TTC28: variants seen among roughly 807,000 people sequenced by gnomAD.
The protein encoded by TTC28 is tetratricopeptide repeat protein 28.
TTC28 carries 61 observed loss-of-function variants against 198.0 expected under a neutral mutation model. The observed-to-expected ratio is 0.31, with a 90% CI of 0.25 to 0.38. The LOEUF (loss-of-function observed/expected upper bound fraction) is 0.38, where lower values mean the gene tolerates loss of function less well. Among genes scored for constraint, TTC28 ranks in the 10% least tolerant of loss-of-function variants. TTC28 has a pLI of 1.00. For missense variants in TTC28, 2,678 were observed against 3,164.0 expected, an observed-to-expected ratio of 0.85 and a Z score of 3.69; for synonymous variants, 1,171 against 1,297.8, an observed-to-expected ratio of 0.90 and a Z score of 2.10.
Position 27,998,847 on chromosome 22 carries a change from C to A in TTC28, c.4812G>T (p.Leu1604=). The A allele has an allele frequency of 6.5e-7, 1 of 1,550,180 alleles. No individual in the cohort carries two copies. Among genetic ancestry groups the A allele is most frequent in the Non-Finnish European group, 8.7e-7 (1 of 1,146,988 alleles). The change falls in exon 16 of 23, where the codon CTG becomes CTT. Residue 1604 remains leucine (L), a synonymous_variant. Coordinates refer to ENST00000397906, the MANE Select transcript of TTC28 (RefSeq NM_001145418.2). ...CCAGGACGTCGGCGGCAGTAAGCAG[C>A]AGCTCCTGCAGGGGCGGGCAGTCCG... ...SISDCPPLQE[L]LLTAADVLDL...
Position 28,055,718 on chromosome 22 carries a change from T to C in TTC28, c.3933-25352A>G, listed in dbSNP as rs370418589. The stretch of plus-strand genomic sequence containing the variant: ...AGCTAGTAAAGTGCAGGGCCAAGAT[T>C]TGCCTCTAAGTTTAATGCTTTTTCA... On this transcript the variant is annotated intron_variant, in intron 12 of 22. Coordinates refer to ENST00000397906, the MANE Select transcript of TTC28 (RefSeq NM_001145418.2). Among the ~76,000 whole-genome samples, 5 of 152,162 alleles carry C rather than the reference T, an allele frequency of 3.3e-5. No individual in the cohort carries two copies. The East Asian group carries it at 7.7e-4, about 23-fold the overall frequency.
chr22:28,038,010 A>T (rs1939438934), intron 12 of TTC28, among the ~76,000 whole-genome samples: 1 of 152,228 alleles, frequency 6.6e-6, no homozygotes. Flanking sequence ...TGCTCAATGA[A>T]ATAAAAGAGG....
intron 2 of TTC28, among the ~76,000 whole-genome samples, chr22:28,494,526 A>G (rs1187817433): frequency 6.6e-6 from 1 of 152,158 alleles, no homozygotes; most frequent in Non-Finnish European, 1.5e-5. Flanking sequence ...GAAACTGCCA[A>G]CTAACCCCTC....
At chr22:28,178,510 A>G (rs1923392629) in intron 5 of TTC28, among the ~76,000 whole-genome samples, 1 of 152,062 alleles carries the variant, frequency 6.6e-6, no homozygotes, top group Non-Finnish European at 1.5e-5. Context: ...ATTTGAAAAT[A>G]TATAAATTGG....
At chr22:28,676,483 C>T (rs968533953) in intron 1 of TTC28, among the ~76,000 whole-genome samples, 5 of 152,128 alleles carry the variant, frequency 3.3e-5, no homozygotes, top group African/African-American at 1.2e-4. Context: ...CAAAATTCTG[C>T]ACTCAAGGGG....
intron 6 of TTC28, among the ~76,000 whole-genome samples, chr22:28,116,403 G>T (rs2146927108): frequency 6.6e-6 from 1 of 152,206 alleles, no homozygotes; most frequent in East Asian, 1.9e-4. Context: ...GGCTGGAGAG[G>T]GGTGCTGGTG....
At chr22:28,356,600 T>C (rs142262985) in intron 2 of TTC28, among the ~76,000 whole-genome samples, 3 of 152,346 alleles carry the variant, frequency 2.0e-5, no homozygotes, top group Non-Finnish European at 4.4e-5. Flanking sequence ...AAGGGCACTG[T>C]GGACTTTCAC....
intron 5 of TTC28, among the ~76,000 whole-genome samples, chr22:28,196,372 G>A (rs1358723088): frequency 1.3e-5 from 2 of 152,104 alleles, no homozygotes; most frequent in African/African-American, 2.4e-5. Flanking sequence ...CAGGACATAG[G>A]CATGGCCAAG....
chr22:28,640,804 A>G (rs1006201464), intron 1 of TTC28, among the ~76,000 whole-genome samples: 9 of 152,166 alleles, frequency 5.9e-5, no homozygotes, highest in African/African-American at 1.9e-4. Context: ...TGGAAATAGT[A>G]CGGCAGGTCC....
intron 2 of TTC28, among the ~76,000 whole-genome samples, chr22:28,611,301 AG>A (rs2050813891): frequency 6.6e-6 from 1 of 152,198 alleles, no homozygotes; most frequent in Non-Finnish European, 1.5e-5. Flanking sequence ...AAAAATGTTA[AG>A]GGCAGCCAGA....
chr22:28,342,830 G>A (rs2045852525), intron 2 of TTC28, among the ~76,000 whole-genome samples: 1 of 152,070 alleles, frequency 6.6e-6, no homozygotes, highest in Non-Finnish European at 1.5e-5. Context: ...CCAGACAAGA[G>A]AAGCTATAAT....
Position 28,096,235 on chromosome 22 carries a change from G to A in TTC28, c.3721C>T (p.Leu1241=). 1 of 1,551,334 alleles carries A rather than the reference G, an allele frequency of 6.4e-7. No individual in the cohort carries two copies. The highest frequency in any genetic ancestry group is 1.2e-5 in the South Asian group (1 of 84,012). ...GQRGLVLYYS[L]AAGYLYSWLL... ...CAGCTATACAGATAGCCTGCAGCCA[G>A]GGAATAGTAAAGCACTAGTCCCCTC... Residue 1241 remains leucine, a synonymous_variant, in exon 11 of 23, where the codon CTG becomes TTG. Transcript: ENST00000397906.
chr22:28,485,980 G>T (rs1370221269), intron 2 of TTC28, among the ~76,000 whole-genome samples: 1 of 152,090 alleles, frequency 6.6e-6, no homozygotes, highest in Admixed American at 6.5e-5. Flanking sequence ...AGGAGCTATT[G>T]TGCTAGAAGA....
intron 10 of TTC28, among the ~76,000 whole-genome samples, chr22:28,096,809 C>CTT (rs568084580): frequency 4.2e-5 from 6 of 143,080 alleles, no homozygotes; most frequent in African/African-American, 1.3e-4. Context: ...CTCTACGTGT[C>CTT]TTTTTTTTTT....
chr22:28,386,594 A>G (rs1254303241), intron 2 of TTC28, among the ~76,000 whole-genome samples: 1 of 152,200 alleles, frequency 6.6e-6, no homozygotes, highest in Non-Finnish European at 1.5e-5. Context: ...AGGGTCAGAC[A>G]CAGGTATTTC....
rs529928924 is a variant in TTC28 at position 28,184,499 on chromosome 22, T to C, written c.934-20900A>G. Among the ~76,000 whole-genome samples the C allele has an allele frequency of 1.2e-4, 18 of 152,278 alleles. No homozygotes were observed. In the South Asian group the frequency reaches 3.7e-3, roughly 32 times the overall value. ...AAAGAAAGGAGTCATTATGCCCAGA[T>C]CTTAAAACAGAACATAATATGTTCA... On this transcript the variant is annotated intron_variant, in intron 5 of 22. Transcript: ENST00000397906.
At chr22:28,603,168 C>A (rs1039855301) in intron 2 of TTC28, among the ~76,000 whole-genome samples, 3 of 152,052 alleles carry the variant, frequency 2.0e-5, no homozygotes, top group African/African-American at 7.2e-5. Context: ...CATGAGCCAC[C>A]GTGCCTGGCC....
intron 2 of TTC28, among the ~76,000 whole-genome samples, chr22:28,621,686 T>G (rs1472226037): frequency 6.9e-6 from 1 of 145,018 alleles, no homozygotes; most frequent in Non-Finnish European, 1.5e-5. Context: ...AAAACTGTAG[T>G]GAGCCATGAT....
chr22:28,560,558 C>A (rs574963781), intron 2 of TTC28, among the ~76,000 whole-genome samples: 2 of 152,198 alleles, frequency 1.3e-5, no homozygotes, highest in East Asian at 3.9e-4. Flanking sequence ...CATACATAAT[C>A]ATTCCCACCC....
Sources: gnomAD v4.1 joint callset for allele counts (sites outside exome capture counted in the v4.1 genomes callset) on GRCh38, gnomAD v4.1.1 for gene constraint, MANE v1.5 for transcripts, NCBI Gene and HGNC (gene_info 2026-07-23, HGNC 2026-07-21) for gene names.